NTRK3: variants seen among roughly 807,000 people sequenced by gnomAD.
NTRK3 encodes NT-3 growth factor receptor.
A neutral mutation model predicts 91.7 loss-of-function variants in NTRK3; 24 were observed. That is an observed-to-expected ratio of 0.26 (90% CI 0.19 to 0.37). The LOEUF (loss-of-function observed/expected upper bound fraction) is 0.37. Ranked by LOEUF, NTRK3 falls within the 10% of genes least tolerant of loss-of-function variation. The probability of loss-of-function intolerance (pLI) is 1.00; values close to 1 mark genes in which losing one functional copy is unlikely to be tolerated. For missense variants in NTRK3, 880 were observed against 1,068.9 expected, an observed-to-expected ratio of 0.82 and a Z score of 2.46; for synonymous variants, 483 against 404.0, an observed-to-expected ratio of 1.20 and a Z score of -2.34.
chr15:88,240,979 G>A lies in NTRK3; in HGVS notation c.248+14927C>T, dbSNP rs1316879145. Among the ~76,000 whole-genome samples, 1 of 152,218 alleles carries A rather than the reference G, an allele frequency of 6.6e-6. No individual in the cohort carries two copies. Among genetic ancestry groups the A allele is most frequent in the Non-Finnish European group, 1.5e-5 (1 of 68,036 alleles). On this transcript the variant is annotated intron_variant, in intron 3 of 18. Transcript: ENST00000394480. The surrounding 1 kb of genome is among the most constrained non-coding windows in gnomAD (Gnocchi z 4.9). ...TGGGAGGGTTGCTGTGGGCCTGGGG[G>A]ACATTCTGGTGCAGGAAATGAGCCT...
rs539390228 is a variant in NTRK3 at position 88,186,694 on chromosome 15, A to G, written c.249-2395T>C. ...ACACATGAAAACTACATGAAATTCA[A>G]ATTTCCATGTTCATACCTGTTCATT... is the stretch of plus-strand genomic sequence containing the variant. On this transcript the variant is annotated intron_variant, in intron 3 of 18. Transcript: ENST00000394480. Among the ~76,000 whole-genome samples the G allele has an allele frequency of 3.3e-5, 5 of 152,352 alleles. No homozygotes were observed. In the East Asian group the frequency reaches 9.6e-4, roughly 29 times the overall value.
chr15:88,135,537 A>G (rs1046840185), intron 9 of NTRK3, 140 bp from the exon 10 acceptor site: 26 of 964,668 alleles, frequency 2.7e-5, no homozygotes, highest in Non-Finnish European at 4.1e-5. Flanking sequence ...TCCCACCACA[A>G]TCCCAGCAGA....
intron 3 of NTRK3, among the ~76,000 whole-genome samples, chr15:88,238,329 T>C (rs962738154): frequency 1.3e-5 from 2 of 152,202 alleles, no homozygotes; most frequent in East Asian, 3.8e-4. Context: ...AATCTTTTTA[T>C]CGCTTAGGGC....
chr15:88,024,820 G>A (rs1330859754), intron 14 of NTRK3, among the ~76,000 whole-genome samples: 2 of 152,234 alleles, frequency 1.3e-5, no homozygotes, highest in Non-Finnish European at 2.9e-5. Flanking sequence ...GAATCACCCT[G>A]ACAAGCTGCC....
intron 13 of NTRK3, among the ~76,000 whole-genome samples, chr15:88,073,181 G>GCACA (rs1387914177): frequency 6.6e-6 from 1 of 152,310 alleles, no homozygotes; most frequent in Non-Finnish European, 1.5e-5. Context: ...TGTTAAAAAT[G>GCACA]CACATTCTTG....
At chr15:88,189,566 TC>T (rs767258784) in intron 3 of NTRK3, among the ~76,000 whole-genome samples, 1 of 152,040 alleles carries the variant, frequency 6.6e-6, no homozygotes, top group Non-Finnish European at 1.5e-5. Flanking sequence ...TGCCTTAGCC[TC>T]CCGAGTAGCT....
chr15:87,906,858 G>A (rs61427561), intron 17 of NTRK3, among the ~76,000 whole-genome samples: 7,434 of 151,744 alleles, frequency 0.049, 450 homozygotes, highest in African/African-American at 0.15. Context: ...CTCTTAATTT[G>A]CTATATACTT....
At chr15:87,910,942 G>A (rs1426331031) in intron 17 of NTRK3, among the ~76,000 whole-genome samples, 1 of 152,192 alleles carries the variant, frequency 6.6e-6, no homozygotes, top group Non-Finnish European at 1.5e-5. Context: ...ATTCAATTCA[G>A]TGGTAAGATC....
intron 13 of NTRK3, among the ~76,000 whole-genome samples, chr15:88,033,574 G>C (rs2078797490): frequency 6.6e-6 from 1 of 152,018 alleles, no homozygotes; most frequent in Non-Finnish European, 1.5e-5. Flanking sequence ...GCCTCCCAAA[G>C]TGCTAGGATT....
In NTRK3 at chr15:88,147,222, C is replaced by T. The variant is rs1316196952; in HGVS notation, c.464+113G>A. The T allele has an allele frequency of 4.1e-6, 4 of 973,610 alleles. No individual in the cohort carries two copies. The Admixed American group carries it at 5.8e-5, about 14-fold the overall frequency. 60.3% of individuals were successfully genotyped at this position (973,610 alleles called of 1,614,324 possible). ...CTCTGTGTCAACCAACCCAAGTAGG[C>T]TCTTCGAGTAGATGTATGCTCAGCC... is the stretch of plus-strand genomic sequence containing the variant. On this transcript the variant is annotated intron_variant, in intron 6 of 18. Transcript: ENST00000394480.
intron 14 of NTRK3, among the ~76,000 whole-genome samples, chr15:88,018,243 G>C (rs375892508): frequency 1.3e-3 from 202 of 152,310 alleles, no homozygotes; most frequent in South Asian, 0.012. Context: ...CACACGGAGG[G>C]GGATGACTAC....
intron 13 of NTRK3, among the ~76,000 whole-genome samples, chr15:88,094,321 T>A (rs1485564734): frequency 6.7e-6 from 1 of 149,510 alleles, no homozygotes; most frequent in Non-Finnish European, 1.5e-5. Context: ...AAAAAAAAAT[T>A]AGCCGGGCGC....
intron 14 of NTRK3, among the ~76,000 whole-genome samples, chr15:88,005,280 T>A (rs1374429981): frequency 6.6e-6 from 1 of 152,102 alleles, no homozygotes; most frequent in Non-Finnish European, 1.5e-5. Context: ...TGACCCCCAG[T>A]TCATTCAGGA....
intron 14 of NTRK3, among the ~76,000 whole-genome samples, chr15:88,030,880 T>A (rs2078471981): frequency 6.6e-6 from 1 of 152,212 alleles, no homozygotes; most frequent in South Asian, 2.1e-4. Flanking sequence ...AACAACTACC[T>A]TTTTTGTGGT....
At chr15:87,886,430 T>C (rs781353666) in intron 17 of NTRK3, among the ~76,000 whole-genome samples, 14 of 151,540 alleles carry the variant, frequency 9.2e-5, no homozygotes, top group Non-Finnish European at 1.6e-4. Flanking sequence ...TTAAAAAGAA[T>C]ATAGTAGAGC....
In NTRK3 at chr15:87,869,173, T is replaced by A. The variant is rs188129826; in HGVS notation, c.*7762A>T. 2.4e-3 allele frequency: 542 copies of A among 228,868 alleles called. 2 individuals are homozygous for A. The highest frequency in any genetic ancestry group is 0.011 in the African/African-American group (512 of 45,220). The allele number at this position is 228,868 out of a possible 1,614,324, so 14.2% of individuals were successfully genotyped here. A position where few individuals can be genotyped will look rare whatever the true frequency, so the allele number is the denominator to read the frequency against. ...AAGCAGAAAGCCTGGCTCAGCATCA[T>A]GGTCAGAGAAGGCCCAAACTCCCTC... is the stretch of plus-strand genomic sequence containing the variant. On this transcript the variant is annotated 3_prime_UTR_variant, in exon 19 of 19. Transcript: ENST00000394480.
chr15:88,176,994 G>T (rs557255786), intron 5 of NTRK3, among the ~76,000 whole-genome samples: 1 of 152,168 alleles, frequency 6.6e-6, no homozygotes, highest in African/African-American at 2.4e-5. Context: ...GATGAGAAGG[G>T]GCCAGCCATG....
At chr15:88,154,259 C>T (rs963023784) in intron 5 of NTRK3, among the ~76,000 whole-genome samples, 1 of 152,170 alleles carries the variant, frequency 6.6e-6, no homozygotes, top group Non-Finnish European at 1.5e-5. Flanking sequence ...GAGGTATCTG[C>T]AGCCTACCAC....
intron 5 of NTRK3, among the ~76,000 whole-genome samples, chr15:88,176,254 A>G (rs1319545623): frequency 6.7e-6 from 1 of 149,422 alleles, no homozygotes; most frequent in East Asian, 2.0e-4. Context: ...CTCCTGCCTC[A>G]ACCTCCTGAG....
Sources: allele counts gnomAD v4.1 joint callset (sites outside exome capture counted in the v4.1 genomes callset), GRCh38; gene constraint gnomAD v4.1.1; non-coding constraint Gnocchi (gnomAD v3.1); transcripts MANE v1.5; gene names NCBI Gene and HGNC (gene_info 2026-07-23, HGNC 2026-07-21).